Variants in FLVCR2 observed in about 807,000 individuals in gnomAD.
The protein encoded by FLVCR2 is FLVCR choline and putative heme transporter 2, also known as choline/ethanolamine transporter FLVCR2.
Under a neutral mutation model 48.9 loss-of-function variants are expected in FLVCR2, and 38 were observed. The observed-to-expected ratio is 0.78, with a 90% CI of 0.60 to 1.02. The LOEUF (loss-of-function observed/expected upper bound fraction) is 1.02, where lower values mean the gene tolerates loss of function less well. Among genes scored for constraint, FLVCR2 ranks in the 50% least tolerant of loss-of-function variants. FLVCR2 has a pLI of 0.00. For synonymous variants in FLVCR2, 255 were observed against 257.0 expected, an observed-to-expected ratio of 0.99 and a Z score of 0.07; for missense variants, 664 against 663.3, an observed-to-expected ratio of 1.00 and a Z score of -0.01.
At chr14:75,642,462 G>C (rs768543820) in intron 9 of FLVCR2, among the ~76,000 whole-genome samples, 10 of 152,196 alleles carry the variant, frequency 6.6e-5, no homozygotes, top group Admixed American at 2.6e-4. Context: ...GTATGACCTA[G>C]AACAGAAAAG....
At chr14:75,627,890 T>A (rs964806377) in intron 3 of FLVCR2, among the ~76,000 whole-genome samples, 2 of 152,298 alleles carry the variant, frequency 1.3e-5, no homozygotes, top group African/African-American at 2.4e-5. Flanking sequence ...TTTGAAAAAA[T>A]TTTTGACGGA....
intron 1 of FLVCR2, among the ~76,000 whole-genome samples, chr14:75,600,437 CT>C (rs1211160377): frequency 6.6e-6 from 1 of 152,180 alleles, no homozygotes; most frequent in African/African-American, 2.4e-5. Flanking sequence ...TTCTTTATTC[CT>C]TTACTTTCTT....
At position 75,646,430 on chromosome 14, in the gene FLVCR2, C is replaced by T; in HGVS notation, c.1539C>T (p.Asn513=). Residue 513 remains asparagine, a synonymous_variant, in exon 10 of 10, where the codon AAC becomes AAT. Transcript: ENST00000238667. Reference sequence around the variant, plus strand: ...TCCAAGAGGAGGAGGAGGAGAGCAACACCAGCAAAGTGCCCACTGCTGTGT... The same window carrying T: ...TCCAAGAGGAGGAGGAGGAGAGCAATACCAGCAAAGTGCCCACTGCTGTGT... The part of the protein sequence containing the change: ...NKLQEEEEES[N]TSKVPTAVSE... 1 of 1,613,988 alleles carries T rather than the reference C, an allele frequency of 6.2e-7. No homozygotes were observed. The highest frequency in any genetic ancestry group is 1.1e-5 in the South Asian group (1 of 91,080).
At chr14:75,602,343 A>G (rs573486268) in intron 1 of FLVCR2, among the ~76,000 whole-genome samples, 33 of 152,210 alleles carry the variant, frequency 2.2e-4, no homozygotes, top group Admixed American at 4.6e-4. Context: ...AGCGCTACCT[A>G]TGTTGCCTCA....
rs565162093 is a variant in FLVCR2 at position 75,645,027 on chromosome 14, G to A, written c.1510-1374G>A. Among the ~76,000 whole-genome samples the A allele has an allele frequency of 7.9e-4, 104 of 131,612 alleles. 2 individuals are homozygous for A. The highest frequency in any genetic ancestry group is 3.6e-3 in the Middle Eastern group (1 of 278). The allele number at this position is 131,612 out of a possible 152,430, so 86.3% of individuals were successfully genotyped here. On this transcript the variant is annotated intron_variant, in intron 9 of 9. Transcript: ENST00000238667. ...TCCAGGTGATGGCTTTGGAGGAGGC[G>A]GGCGTGGTGTGTGTGTGTGTGTGTG...
At chr14:75,615,435 G>A (rs928174617) in intron 1 of FLVCR2, among the ~76,000 whole-genome samples, 12 of 152,158 alleles carry the variant, frequency 7.9e-5, no homozygotes, top group Admixed American at 2.0e-4. Context: ...GAGTCCCAGT[G>A]GCCTCTGCTG....
At chr14:75,633,773 C>A in intron 4 of FLVCR2, 77 bp downstream of exon 4, 1 of 1,119,068 alleles carries the variant, frequency 8.9e-7, no homozygotes. Context: ...CCTGGGATGA[C>A]CGTTAAGTCT....
At position 75,579,348 on chromosome 14, in the gene FLVCR2, C is replaced by A. The variant is rs8011292; in HGVS notation, c.376C>A (p.Leu126Met). The A allele has an allele frequency of 6.2e-7, 1 of 1,614,160 alleles. No homozygotes were observed. The highest frequency in any genetic ancestry group is 1.1e-5 in the South Asian group (1 of 91,072). Residue 126 changes from leucine (L) to methionine (M), a missense_variant, in exon 1 of 10, where the codon CTG becomes ATG. Transcript: ENST00000238667. ...YGVSAFAIDWLSMCYMLTYIP... is the reference protein window; with the variant it reads ...YGVSAFAIDWMSMCYMLTYIP... ...TGTCAGTGCCTTTGCCATTGACTGG[C>A]TGTCCATGTGCTACATGCTGACTTA... is the stretch of plus-strand genomic sequence containing the variant.
chr14:75,609,755 C>T (rs1236065259), intron 1 of FLVCR2, among the ~76,000 whole-genome samples: 2 of 152,182 alleles, frequency 1.3e-5, no homozygotes. Context: ...TAGAAGGAAA[C>T]ATGGGAGGAT....
rs11849590 is a variant in FLVCR2 at position 75,578,902 on chromosome 14, C to T, written c.-71C>T. On this transcript the variant is annotated 5_prime_UTR_variant, in exon 1 of 10. Transcript: ENST00000238667. ...TGTCCTTTCAACTCTAAGAGACCAG[C>T]AGAGGCCACTGTCCCTTAAGACTGC... 0.033 allele frequency: 46,234 copies of T among 1,387,586 alleles called. 4,206 individuals carry two copies. The highest frequency in any genetic ancestry group is 0.24 in the East Asian group (10,610 of 43,556). 86.0% of individuals were successfully genotyped at this position (1,387,586 alleles called of 1,614,324 possible).
At chr14:75,631,319 T>G (rs952270452) in intron 3 of FLVCR2, among the ~76,000 whole-genome samples, 1 of 152,208 alleles carries the variant, frequency 6.6e-6, no homozygotes, top group Non-Finnish European at 1.5e-5. Context: ...CTGGGAGGCT[T>G]ATTCAAATGC....
intron 1 of FLVCR2, among the ~76,000 whole-genome samples, chr14:75,594,275 T>G (rs949058517): frequency 3.6e-4 from 55 of 152,204 alleles, no homozygotes; most frequent in Admixed American, 1.3e-3. Context: ...CTTTAGGCTC[T>G]TCTTAAAGTT....
chr14:75,613,783 T>C (rs1889528065), intron 1 of FLVCR2, among the ~76,000 whole-genome samples: 1 of 152,118 alleles, frequency 6.6e-6, no homozygotes, highest in South Asian at 2.1e-4. Flanking sequence ...ACTCCTGACC[T>C]CAAATGATCC....
intron 1 of FLVCR2, among the ~76,000 whole-genome samples, chr14:75,605,145 C>T (rs893094438): frequency 1.3e-5 from 2 of 152,186 alleles, no homozygotes; most frequent in Non-Finnish European, 2.9e-5. Context: ...GATGTCCTTC[C>T]CTTGACTTGA....
chr14:75,579,471 G>A lies in FLVCR2; in HGVS notation c.499G>A (p.Val167Met), dbSNP rs1888541015. ...GSALNCLGAW[V>M]KLGSLKPHLF... ...GGCTCTCAACTGCCTGGGGGCCTGG[G>A]TGAAGCTGGGCAGCCTGAAGCCGCA... Residue 167 changes from valine to methionine, a missense_variant, in exon 1 of 10, where the codon GTG (valine) becomes ATG (methionine). Val to Met is a conservative substitution (Grantham distance 21). Coordinates refer to ENST00000238667, the MANE Select transcript of FLVCR2 (RefSeq NM_017791.3). 2.5e-6 allele frequency: 4 copies of A among 1,613,448 alleles called. No homozygotes were observed. The highest frequency in any genetic ancestry group is 3.3e-5 in the Admixed American group (2 of 59,990).
chr14:75,639,864 C>T (rs1044336339), intron 6 of FLVCR2, among the ~76,000 whole-genome samples: 1 of 152,170 alleles, frequency 6.6e-6, no homozygotes, highest in African/African-American at 2.4e-5. Context: ...TCAATTTCCT[C>T]ATCTGTAAAG....
intron 4 of FLVCR2, among the ~76,000 whole-genome samples, chr14:75,634,341 G>T (rs552411762): frequency 6.6e-6 from 1 of 152,144 alleles, no homozygotes; most frequent in Non-Finnish European, 1.5e-5. Context: ...GGGCTAGTAG[G>T]TTAATTTCAT....
chr14:75,587,864 G>A (rs1594790373), intron 1 of FLVCR2, among the ~76,000 whole-genome samples: 1 of 152,282 alleles, frequency 6.6e-6, no homozygotes, highest in East Asian at 1.9e-4. Context: ...TTTGTGAGGG[G>A]ACTTCGCCAG....
At chr14:75,603,566 A>C (rs1889217638) in intron 1 of FLVCR2, among the ~76,000 whole-genome samples, 1 of 152,132 alleles carries the variant, frequency 6.6e-6, no homozygotes, top group South Asian at 2.1e-4. Flanking sequence ...TTTTTCCTGG[A>C]TGCCAGGTAA....
Sources: allele counts gnomAD v4.1 joint callset (sites outside exome capture counted in the v4.1 genomes callset), GRCh38; gene constraint gnomAD v4.1.1; transcripts MANE v1.5; gene names NCBI Gene and HGNC (gene_info 2026-07-23, HGNC 2026-07-21).